INPP5B: variants seen among roughly 807,000 people sequenced by gnomAD.
INPP5B encodes inositol polyphosphate-5-phosphatase B, also known as type II inositol 1,4,5-trisphosphate 5-phosphatase.
Under a neutral mutation model 118.5 loss-of-function variants are expected in INPP5B, and 90 were observed. The observed-to-expected ratio is 0.76, with a 90% CI of 0.64 to 0.90. The LOEUF is 0.90. Ranked by LOEUF, INPP5B falls within the 40% of genes least tolerant of loss-of-function variation. INPP5B has a pLI of 0.00. For missense variants in INPP5B, 984 were observed against 1,125.6 expected (o/e 0.87, Z 1.80); for synonymous variants, 385 against 418.9 (o/e 0.92, Z 0.99).
At position 37,880,061 on chromosome 1, in the gene INPP5B, C is replaced by T. The variant is rs1643097537; in HGVS notation, c.1541+24G>A. 16 of 1,529,038 alleles carry T rather than the reference C, an allele frequency of 1.0e-5. No individual in the cohort carries two copies. In the East Asian group the frequency reaches 3.6e-4, roughly 35 times the overall value. The allele number at this position is 1,529,038 out of a possible 1,614,324, so 94.7% of individuals were successfully genotyped here. A position where few individuals can be genotyped will look rare whatever the true frequency, so the allele number is the denominator to read the frequency against. ...ATTTCTGGGTTTCCGTTTGCTCAACCCTTTGAAGCAACCTCTGACCTACCT... is the reference window on the plus strand; with the variant it reads ...ATTTCTGGGTTTCCGTTTGCTCAACTCTTTGAAGCAACCTCTGACCTACCT... On this transcript the variant is annotated intron_variant, in intron 15 of 23. Transcript: ENST00000373024.
At chr1:37,915,307 A>G (rs1644828003) in intron 7 of INPP5B, among the ~76,000 whole-genome samples, 1 of 152,250 alleles carries the variant, frequency 6.6e-6, no homozygotes, top group African/African-American at 2.4e-5. Flanking sequence ...CAAATACTAC[A>G]TAACAACCCC....
rs1370163424 is a variant in INPP5B at position 37,868,545 on chromosome 1, G to A, written c.2257C>T (p.Leu753Phe). Residue 753 changes from leucine to phenylalanine, a missense_variant, in exon 20 of 24, where the codon CTC (leucine) becomes TTC (phenylalanine). By Grantham distance (22) the Leu-to-Phe change is conservative. Around this residue, in one of 2 missense-constraint regions of INPP5B, gnomAD observed 634 missense variants for 791.0 expected, o/e 0.80. Transcript: ENST00000373024. The stretch of plus-strand genomic sequence containing the variant: ...TACAGGTAATCAACCATCATCCAGA[G>A]CTCTTTGGGGATTTCCATGGGGCTA... ...LDSPMEIPKELWMMVDYLYRN... is the reference protein window; with the variant it reads ...LDSPMEIPKEFWMMVDYLYRN... 3 of 1,614,036 alleles carry A rather than the reference G, an allele frequency of 1.9e-6. No homozygotes were observed. The highest frequency in any genetic ancestry group is 2.5e-6 in the Non-Finnish European group (3 of 1,179,900).
intron 7 of INPP5B, among the ~76,000 whole-genome samples, chr1:37,926,577 C>T (rs886699835): frequency 1.3e-5 from 2 of 152,082 alleles, no homozygotes; most frequent in Non-Finnish European, 2.9e-5. Flanking sequence ...CCACCACACC[C>T]GGCGAAGCTG....
At chr1:37,896,724 T>G (rs1570166033) in intron 7 of INPP5B, among the ~76,000 whole-genome samples, 9 of 84,636 alleles carry the variant, frequency 1.1e-4, no homozygotes, top group Admixed American at 2.6e-4. Context: ...GGGAGGGAGG[T>G]GGGGGAGTCA....
At chr1:37,869,016 G>A (rs757217672) in intron 19 of INPP5B, among the ~76,000 whole-genome samples, 15 of 151,452 alleles carry the variant, frequency 9.9e-5, no homozygotes, top group Non-Finnish European at 1.9e-4. Flanking sequence ...TTTTTGAGAC[G>A]GAGTCTCACT....
chr1:37,862,170 G>A lies in INPP5B; in HGVS notation c.*145C>T. On this transcript the variant is annotated 3_prime_UTR_variant, in exon 24 of 24. Transcript: ENST00000373024. ...GCGCTGAGTGTGCTAACCAATGGTG[G>A]GCTTAATTGGGGTACTAGGCTCAGG... 7 of 616,364 alleles carry A rather than the reference G, an allele frequency of 1.1e-5. No homozygotes were observed. Among genetic ancestry groups the A allele is most frequent in the Non-Finnish European group, 2.1e-5 (7 of 341,150 alleles). The allele number at this position is 616,364 out of a possible 1,614,324, so 38.2% of individuals were successfully genotyped here. A position where few individuals can be genotyped will look rare whatever the true frequency, so the allele number is the denominator to read the frequency against.
At chr1:37,917,961 T>C (rs1414226646) in intron 7 of INPP5B, among the ~76,000 whole-genome samples, 1 of 152,178 alleles carries the variant, frequency 6.6e-6, no homozygotes, top group Non-Finnish European at 1.5e-5. Flanking sequence ...CAAGACGTTC[T>C]GTATGCAGGG....
chr1:37,927,197 A>C (rs1324161949), intron 7 of INPP5B, among the ~76,000 whole-genome samples: 1 of 152,140 alleles, frequency 6.6e-6, no homozygotes, highest in African/African-American at 2.4e-5. Flanking sequence ...AGAGAGGCTA[A>C]GGCAGGAGAA....
chr1:37,946,415 G>A (rs1289559856), intron 1 of INPP5B, 81 bp from the exon 2 acceptor site: 6 of 988,350 alleles, frequency 6.1e-6, no homozygotes, highest in African/African-American at 4.8e-5. Flanking sequence ...GGGGTTGGGG[G>A]CAGGAGGGAG....
Position 37,946,604 on chromosome 1 carries a change from T to C in INPP5B, c.-26-270A>G, listed in dbSNP as rs566877385. On this transcript the variant is annotated intron_variant, in intron 1 of 23. Transcript: ENST00000373024. Reference sequence around the variant, plus strand: ...GAGGGCATCCAGTTGCTCTTGAGTGTGGTCTATCCTTGTTGGAAGTGGGGT... The same window carrying C: ...GAGGGCATCCAGTTGCTCTTGAGTGCGGTCTATCCTTGTTGGAAGTGGGGT... 2.4e-4 allele frequency among the ~76,000 whole-genome samples: 37 copies of C among 152,320 alleles called. 1 individual carries two copies. The highest frequency in any genetic ancestry group is 8.9e-4 in the African/African-American group (37 of 41,562).
chr1:37,886,194 A>C (rs370371105), intron 12 of INPP5B, among the ~76,000 whole-genome samples: 155 of 152,184 alleles, frequency 1.0e-3, no homozygotes, highest in Admixed American at 4.8e-3. Context: ...AACAAACAAA[A>C]AAAAAACCCT....
At chr1:37,897,447 C>A (rs919541878) in intron 7 of INPP5B, among the ~76,000 whole-genome samples, 1 of 151,794 alleles carries the variant, frequency 6.6e-6, no homozygotes, top group Non-Finnish European at 1.5e-5. Context: ...CAACCCTGTG[C>A]TCTCTGAAAC....
intron 7 of INPP5B, among the ~76,000 whole-genome samples, chr1:37,893,818 C>G (rs759362123): frequency 4.6e-5 from 7 of 152,212 alleles, no homozygotes; most frequent in Non-Finnish European, 1.0e-4. Context: ...TCCTTGATGC[C>G]ATGCTCTAAG....
intron 5 of INPP5B, among the ~76,000 whole-genome samples, chr1:37,941,782 C>T (rs1231113625): frequency 3.6e-4 from 50 of 138,170 alleles, no homozygotes; most frequent in African/African-American, 1.3e-3. Flanking sequence ...ACTAAAAATA[C>T]AAAAAATTAG....
At chr1:37,931,420 C>T (rs1052264758) in intron 7 of INPP5B, 11 of 1,511,200 alleles carry the variant, frequency 7.3e-6, no homozygotes, top group South Asian at 1.2e-5. Flanking sequence ...GAGTTCGGAA[C>T]GGAGCTTTAC....
At chr1:37,943,000 GTTTT>G (rs763639770) in intron 5 of INPP5B, among the ~76,000 whole-genome samples, 23 of 151,490 alleles carry the variant, frequency 1.5e-4, no homozygotes, top group Non-Finnish European at 3.4e-4. Context: ...TTTTTTGGGG[GTTTT>G]TTGTTTGTTT....
chr1:37,895,138 T>C (rs1570149102), intron 7 of INPP5B, among the ~76,000 whole-genome samples: 1 of 152,178 alleles, frequency 6.6e-6, no homozygotes, highest in Non-Finnish European at 1.5e-5. Flanking sequence ...TCTGTTAGAA[T>C]GACTGAAATT....
Position 37,945,789 on chromosome 1 carries a change from C to T in INPP5B, c.119G>A (p.Arg40His), listed in dbSNP as rs779740278. The T allele has an allele frequency of 1.3e-5, 21 of 1,613,910 alleles. No individual in the cohort carries two copies. Among genetic ancestry groups the T allele is most frequent in the East Asian group, 6.7e-5 (3 of 44,882 alleles). ...SRQSRLLGLVRYRLEHGGQEH... is the reference protein window; with the variant it reads ...SRQSRLLGLVHYRLEHGGQEH... ...CTGGCCGCCGTGCTCCAGGCGGTAG[C>T]GCACGAGTCCCAGGAGGCGGCTCTG... The change falls in exon 3 of 24, where the codon CGC (arginine) becomes CAC (histidine). Residue 40 changes from arginine to histidine, a missense_variant. By Grantham distance (29) the Arg-to-His change is conservative. This residue lies in a region of INPP5B where 350 missense variants were observed against 334.6 expected (regional missense o/e 1.05). Transcript: ENST00000373024.
At chr1:37,938,440 A>T (rs866752078) in intron 6 of INPP5B, among the ~76,000 whole-genome samples, 6 of 152,244 alleles carry the variant, frequency 3.9e-5, no homozygotes, top group Non-Finnish European at 5.9e-5. Flanking sequence ...GAGGGGAAAA[A>T]CATTTTCTGA....
Sources: gnomAD v4.1 joint callset for allele counts (sites outside exome capture counted in the v4.1 genomes callset) on GRCh38, gnomAD v4.1.1 for gene constraint, gnomAD v4.1.1 regional missense constraint, MANE v1.5 for transcripts, NCBI Gene and HGNC (gene_info 2026-07-23, HGNC 2026-07-21) for gene names.